The following NIPBL variants were observed in gnomAD, a reference collection of about 807,000 sequenced individuals.
NIPBL encodes nipped-B-like protein.
Under a neutral mutation model 321.8 loss-of-function variants are expected in NIPBL, and 19 were observed. That is an observed-to-expected ratio of 0.06 (90% CI 0.04 to 0.09). The LOEUF is 0.09. NIPBL is among the 10% of genes least tolerant of loss of function. The pLI is 1.00. For synonymous variants in NIPBL, 1,106 were observed against 1,114.1 expected, an observed-to-expected ratio of 0.99 and a Z score of 0.14; for missense variants, 2,210 against 3,327.0, an observed-to-expected ratio of 0.66 and a Z score of 8.26.
At position 37,010,150 on chromosome 5, in the gene NIPBL, A is replaced by G; in HGVS notation, c.4485A>G (p.Leu1495=). 6.2e-7 allele frequency: 1 copy of G among 1,611,392 alleles called. No homozygotes were observed. Among genetic ancestry groups the G allele is most frequent in the African/African-American group, 1.3e-5 (1 of 75,012 alleles). The change falls in exon 21 of 47, where the codon TTA becomes TTG. Residue 1495 remains leucine (L), a synonymous_variant. Transcript: ENST00000282516. ...MYIQMVTALV[L]QLIQCVVHLP... is the part of the protein sequence containing the mutation. ...TTCAGATGGTTACAGCACTGGTTTT[A>G]CAACTTATTCAGTGTGTGGTACACT...
chr5:37,046,026 T>G (rs1166518131), intron 37 of NIPBL, 83 bp from the exon 38 acceptor site: 1 of 753,580 alleles, frequency 1.3e-6, no homozygotes, highest in African/African-American at 1.7e-5. Flanking sequence ...TTCTCATTGT[T>G]TTAAGGTATT....
intron 32 of NIPBL, among the ~76,000 whole-genome samples, chr5:37,033,960 A>G (rs552231692): frequency 2.0e-5 from 3 of 151,944 alleles, no homozygotes; most frequent in African/African-American, 4.8e-5. Context: ...TGAAAATACA[A>G]GTCACAAAAT....
chr5:37,007,528 A>G lies in NIPBL; in HGVS notation c.4239+54A>G. 3.2e-6 allele frequency: 4 copies of G among 1,238,838 alleles called. No individual in the cohort carries two copies. In the South Asian group the frequency reaches 3.8e-5, roughly 12 times the overall value. The allele number at this position is 1,238,838 out of a possible 1,614,324, so 76.7% of individuals were successfully genotyped here. A position where few individuals can be genotyped will look rare whatever the true frequency, so the allele number is the denominator to read the frequency against. On this transcript the variant is annotated intron_variant, in intron 18 of 46. Coordinates refer to ENST00000282516, the MANE Select transcript of NIPBL (RefSeq NM_133433.4). ...ATTTCTAAACTAAATGATTAAGTCT[A>G]GTATAACCTAGCTCACTCAATAATA... is the stretch of plus-strand genomic sequence containing the variant.
intron 1 of NIPBL, among the ~76,000 whole-genome samples, chr5:36,897,671 T>A (rs1028006743): frequency 1.3e-5 from 2 of 152,298 alleles, no homozygotes; most frequent in Admixed American, 1.3e-4. Context: ...AACATAGGAT[T>A]AAAAATTTGA....
chr5:36,885,928 T>G lies in NIPBL; in HGVS notation c.-80+8750T>G, dbSNP rs1745867098. 5 of 737,220 alleles carry G rather than the reference T, an allele frequency of 6.8e-6. No homozygotes were observed. The Admixed American group carries it at 8.7e-5, about 13-fold the overall frequency. The allele number at this position is 737,220 out of a possible 1,614,324, so 45.7% of individuals were successfully genotyped here. A position where few individuals can be genotyped will look rare whatever the true frequency, so the allele number is the denominator to read the frequency against. On this transcript the variant is annotated intron_variant, in intron 1 of 46. Transcript: ENST00000282516. ...CCGTGAAGGTAGATGCTCCCAAATCTCAGGACCTCGCCAAGATCATGGCAG... is the reference window on the plus strand; with the variant it reads ...CCGTGAAGGTAGATGCTCCCAAATCGCAGGACCTCGCCAAGATCATGGCAG...
At chr5:37,052,264 A>G in intron 41 of NIPBL, 102 bp from the exon 42 acceptor site, 1 of 923,358 alleles carries the variant, frequency 1.1e-6, no homozygotes, top group Non-Finnish European at 1.7e-6. Flanking sequence ...TTTTAATTAA[A>G]AAAAAACAAT....
In NIPBL at chr5:36,958,168, G is replaced by A. The variant is rs779888500; in HGVS notation, c.295G>A (p.Val99Ile). The A allele has an allele frequency of 8.7e-5, 141 of 1,613,770 alleles. No homozygotes were observed. The highest frequency in any genetic ancestry group is 1.1e-4 in the Non-Finnish European group (126 of 1,179,882). The change falls in exon 4 of 47, where the codon GTC becomes ATC. Residue 99 changes from valine (V) to isoleucine (I), a missense_variant. Val to Ile is a conservative substitution (Grantham distance 29). Coordinates refer to ENST00000282516, the MANE Select transcript of NIPBL (RefSeq NM_133433.4). ...EGDIPVLLQA[V>I]LARSPNVFRE... Reference sequence around the variant, plus strand: ...TGACATACCAGTCTTGTTGCAGGCCGTCCTGGCAAGGAGTCCTAATGTTTT... The same window carrying A: ...TGACATACCAGTCTTGTTGCAGGCCATCCTGGCAAGGAGTCCTAATGTTTT...
At chr5:37,001,126 T>C in intron 14 of NIPBL, 48 bp downstream of exon 14, 1 of 1,255,100 alleles carries the variant, frequency 8.0e-7, no homozygotes, top group Non-Finnish European at 1.2e-6. Flanking sequence ...GTGTCTTAAC[T>C]GTATCCTCTA....
chr5:36,986,563 T>G (rs749842135), intron 10 of NIPBL, among the ~76,000 whole-genome samples: 20 of 152,198 alleles, frequency 1.3e-4, no homozygotes, highest in African/African-American at 3.4e-4. Context: ...AGAGATAAGT[T>G]ATTTTGCTGT....
chr5:36,876,822 TTCCCCCCGCCCTCCCCCCCCTCCC>T lies in NIPBL; in HGVS notation c.-432_-409del. 1 of 372,390 alleles carries T rather than the reference TTCCCCCCGCCCTCCCCCCCCTCCC, an allele frequency of 2.7e-6. No individual in the cohort carries two copies. The highest frequency in any genetic ancestry group is 4.8e-6 in the Non-Finnish European group (1 of 210,366). The allele number at this position is 372,390 out of a possible 1,614,324, so 23.1% of individuals were successfully genotyped here. A position where few individuals can be genotyped will look rare whatever the true frequency, so the allele number is the denominator to read the frequency against. On this transcript the variant is annotated 5_prime_UTR_variant, in exon 1 of 47. Coordinates refer to ENST00000282516, the MANE Select transcript of NIPBL (RefSeq NM_133433.4). ...GAGAGAGAGACACACACAGGGCTCC[TTCCCCCCGCCCTCCCCCCCCTCCC>T]TCCGTCGGTACCGACTCACCCGACA...
chr5:37,010,984 T>A (rs941864115), intron 21 of NIPBL, among the ~76,000 whole-genome samples: 2 of 152,188 alleles, frequency 1.3e-5, no homozygotes, highest in African/African-American at 4.8e-5. Flanking sequence ...CATTTCATAT[T>A]TTCAGATTAG....
intron 1 of NIPBL, among the ~76,000 whole-genome samples, chr5:36,945,470 C>T (rs944781660): frequency 1.3e-5 from 2 of 152,056 alleles, no homozygotes; most frequent in African/African-American, 4.8e-5. Context: ...GGTAACTTTT[C>T]TTTCTCTGCA....
intron 32 of NIPBL, among the ~76,000 whole-genome samples, chr5:37,032,003 CAG>C (rs1402799819): frequency 6.6e-6 from 1 of 152,144 alleles, no homozygotes; most frequent in Non-Finnish European, 1.5e-5. Flanking sequence ...TGGTCCCTAT[CAG>C]TGGTTCTAAA....
chr5:37,030,076 T>G (rs1241603488), intron 32 of NIPBL, among the ~76,000 whole-genome samples: 1 of 152,166 alleles, frequency 6.6e-6, no homozygotes, highest in East Asian at 1.9e-4. Flanking sequence ...ATGTCACTAT[T>G]TAGGATTACT....
At chr5:37,027,452 A>T in intron 32 of NIPBL, 40 bp downstream of exon 32, 1 of 1,504,186 alleles carries the variant, frequency 6.6e-7, no homozygotes, top group Non-Finnish European at 9.2e-7. Context: ...AAAATTTAAT[A>T]GGTTAGTTTT....
chr5:37,008,591 GT>G (rs750666576), intron 19 of NIPBL, 31 bp from the exon 20 acceptor site: 2 of 1,100,570 alleles, frequency 1.8e-6, no homozygotes, highest in Non-Finnish European at 2.8e-6. Flanking sequence ...TCTATTATAA[GT>G]TTAACTTGGA....
intron 1 of NIPBL, among the ~76,000 whole-genome samples, chr5:36,943,224 A>G (rs1277619227): frequency 2.0e-5 from 3 of 152,174 alleles, no homozygotes; most frequent in African/African-American, 4.8e-5. Context: ...TTAATATACA[A>G]TATTCTATTG....
chr5:37,015,264 C>A (rs930039386), intron 22 of NIPBL, among the ~76,000 whole-genome samples: 1 of 152,100 alleles, frequency 6.6e-6, no homozygotes, highest in African/African-American at 2.4e-5. Flanking sequence ...GCCGGGATTA[C>A]AGGCATGCAC....
At chr5:36,922,251 A>AT (rs1749006273) in intron 1 of NIPBL, among the ~76,000 whole-genome samples, 1 of 151,690 alleles carries the variant, frequency 6.6e-6, no homozygotes, top group Non-Finnish European at 1.5e-5. Flanking sequence ...CCACCTCCTT[A>AT]TTTTTTGTAT....
Sources: allele counts gnomAD v4.1 joint callset (sites outside exome capture counted in the v4.1 genomes callset), GRCh38; gene constraint gnomAD v4.1.1; transcripts MANE v1.5; gene names NCBI Gene and HGNC (gene_info 2026-07-23, HGNC 2026-07-21).